Variants in RBFOX1 observed in about 807,000 individuals in gnomAD.
RBFOX1 encodes the protein RNA binding protein fox-1 homolog 1.
A neutral mutation model predicts 57.7 loss-of-function variants in RBFOX1; 8 were observed. The observed-to-expected ratio is 0.14, with a 90% CI of 0.08 to 0.25. The LOEUF is 0.25. Ranked by LOEUF, RBFOX1 falls within the 10% of genes least tolerant of loss-of-function variation. RBFOX1 has a pLI of 1.00. For synonymous variants in RBFOX1, 326 were observed against 222.4 expected, an observed-to-expected ratio of 1.47 and a Z score of -4.15; for missense variants, 611 against 548.5, an observed-to-expected ratio of 1.11 and a Z score of -1.14.
intron 3 of RBFOX1, among the ~76,000 whole-genome samples, chr16:7,020,393 G>A (rs2038636531): frequency 6.6e-6 from 1 of 151,884 alleles, no homozygotes; most frequent in South Asian, 2.1e-4. Flanking sequence ...CTACTTTTTT[G>A]TAGTTTTAGT....
intron 4 of RBFOX1, among the ~76,000 whole-genome samples, chr16:7,130,779 C>T (rs563887580): frequency 6.6e-6 from 1 of 152,218 alleles, no homozygotes; most frequent in South Asian, 2.1e-4. Context: ...TTTGTCAACG[C>T]ATTTCTTTTA....
intron 2 of RBFOX1, among the ~76,000 whole-genome samples, chr16:5,589,022 C>T (rs1229524809): frequency 6.6e-6 from 1 of 152,136 alleles, no homozygotes; most frequent in Non-Finnish European, 1.5e-5. Context: ...CTGGATGTAG[C>T]TGAAAAACTG....
intron 4 of RBFOX1, among the ~76,000 whole-genome samples, chr16:7,335,640 A>G (rs1021156461): frequency 2.6e-5 from 4 of 151,300 alleles, no homozygotes; most frequent in Non-Finnish European, 5.9e-5. Flanking sequence ...TTGGTGTGCC[A>G]GACTTTAAGA....
At chr16:7,059,523 C>G (rs1478106959) in intron 4 of RBFOX1, among the ~76,000 whole-genome samples, 1 of 152,060 alleles carries the variant, frequency 6.6e-6, no homozygotes, top group Admixed American at 6.6e-5. Flanking sequence ...ATGCATTTGT[C>G]AAATAATCAT....
chr16:6,634,491 T>C (rs150581128), intron 2 of RBFOX1, among the ~76,000 whole-genome samples: 2,660 of 149,668 alleles, frequency 0.018, 82 homozygotes, highest in African/African-American at 0.06. Context: ...TACATACTTA[T>C]ATAATATTAT....
intron 1 of RBFOX1, among the ~76,000 whole-genome samples, chr16:5,335,861 CTT>C (rs1387809565): frequency 2.0e-5 from 3 of 152,100 alleles, no homozygotes; most frequent in Non-Finnish European, 4.4e-5. Context: ...ACTGCCGACT[CTT>C]TGGGGGTGGT....
intron 3 of RBFOX1, among the ~76,000 whole-genome samples, chr16:6,975,302 G>A (rs1176959845): frequency 2.0e-5 from 3 of 151,744 alleles, no homozygotes; most frequent in Non-Finnish European, 4.4e-5. Context: ...GTCTCATTCT[G>A]TCACCCAGGC....
At chr16:7,638,352 C>T (rs1340335046) in intron 11 of RBFOX1, among the ~76,000 whole-genome samples, 3 of 152,178 alleles carry the variant, frequency 2.0e-5, no homozygotes, top group Non-Finnish European at 4.4e-5. Context: ...TGTCCGAGAT[C>T]ACCCAGCTAG....
chr16:7,281,450 A>G lies in RBFOX1; in HGVS notation c.27+229352A>G, dbSNP rs114438782. Among the ~76,000 whole-genome samples, 686 of 152,208 alleles carry G rather than the reference A, an allele frequency of 4.5e-3. 2 individuals are homozygous for G. Among genetic ancestry groups the G allele is most frequent in the African/African-American group, 0.016 (646 of 41,534 alleles). Reference sequence around the variant, plus strand: ...TTTGTACTTTAGTCCTCTCTTCTATAAAACACAGATAGTTCTAACACTGTA... The same window carrying G: ...TTTGTACTTTAGTCCTCTCTTCTATGAAACACAGATAGTTCTAACACTGTA... On this transcript the variant is annotated intron_variant, in intron 4 of 15. Coordinates refer to ENST00000550418, the MANE Select transcript of RBFOX1 (RefSeq NM_018723.4).
At chr16:6,098,518 G>A (rs563193851) in intron 1 of RBFOX1, among the ~76,000 whole-genome samples, 345 of 152,332 alleles carry the variant, frequency 2.3e-3, no homozygotes, top group Non-Finnish European at 4.2e-3. Context: ...TAAGTTGGAC[G>A]CTGGAATAAT....
intron 3 of RBFOX1, among the ~76,000 whole-genome samples, chr16:6,855,387 C>T (rs1266400671): frequency 6.6e-6 from 1 of 152,080 alleles, no homozygotes; most frequent in Non-Finnish European, 1.5e-5. Context: ...CGCAGTGGCT[C>T]ACGCCTGTAA....
At chr16:5,273,847 T>A (rs2063076704) in intron 1 of RBFOX1, among the ~76,000 whole-genome samples, 1 of 152,126 alleles carries the variant, frequency 6.6e-6, no homozygotes. Flanking sequence ...CAACAGTGTG[T>A]GAGCCCAGAA....
chr16:6,022,075 G>A (rs777584409), intron 1 of RBFOX1, among the ~76,000 whole-genome samples: 1 of 152,112 alleles, frequency 6.6e-6, no homozygotes, highest in Non-Finnish European at 1.5e-5. Context: ...CATGTTCCAA[G>A]GAGGATCACG....
intron 3 of RBFOX1, among the ~76,000 whole-genome samples, chr16:6,943,075 G>A (rs1217960988): frequency 6.6e-6 from 1 of 152,162 alleles, no homozygotes; most frequent in Non-Finnish European, 1.5e-5. Context: ...AGATGCTGTT[G>A]GGATTCAGAG....
intron 3 of RBFOX1, among the ~76,000 whole-genome samples, chr16:5,630,769 C>T (rs1018938370): frequency 1.1e-4 from 16 of 152,272 alleles, no homozygotes; most frequent in African/African-American, 3.9e-4. Context: ...TAACTCTCGC[C>T]TTGGACTTCA....
chr16:7,566,602 C>T (rs2091741586), intron 5 of RBFOX1, among the ~76,000 whole-genome samples: 1 of 152,152 alleles, frequency 6.6e-6, no homozygotes, highest in African/African-American at 2.4e-5. Context: ...TAAAATAAGG[C>T]ATGGAAAACA....
intron 3 of RBFOX1, among the ~76,000 whole-genome samples, chr16:6,988,679 C>G (rs991715659): frequency 2.0e-5 from 3 of 151,552 alleles, no homozygotes; most frequent in Non-Finnish European, 1.5e-5. Flanking sequence ...CAGCCTCAGC[C>G]TTAGCCTCCT....
Position 6,977,102 on chromosome 16 carries a change from C to G in RBFOX1, c.-15-74955C>G, listed in dbSNP as rs8051761. On this transcript the variant is annotated intron_variant, in intron 3 of 15. Transcript: ENST00000550418. Reference sequence around the variant, plus strand: ...TATGATCTATATTTTATATATATATCATATATATGATCTATATTATCATAT... The same window carrying G: ...TATGATCTATATTTTATATATATATGATATATATGATCTATATTATCATAT... Among the ~76,000 whole-genome samples, 748 of 137,318 alleles carry G rather than the reference C, an allele frequency of 5.4e-3. 12 individuals are homozygous for G. The highest frequency in any genetic ancestry group is 0.019 in the African/African-American group (715 of 37,712). The allele number at this position is 137,318 out of a possible 152,430, so 90.1% of individuals were successfully genotyped here.
At chr16:7,165,771 T>C (rs1315900960) in intron 4 of RBFOX1, among the ~76,000 whole-genome samples, 1 of 152,054 alleles carries the variant, frequency 6.6e-6, no homozygotes, top group Non-Finnish European at 1.5e-5. Flanking sequence ...CTCCAATTCT[T>C]AGACCTGTGA....
Sources: gnomAD v4.1 joint callset for allele counts (sites outside exome capture counted in the v4.1 genomes callset) on GRCh38, gnomAD v4.1.1 for gene constraint, MANE v1.5 for transcripts, NCBI Gene and HGNC (gene_info 2026-07-23, HGNC 2026-07-21) for gene names.